SHISA6: variants seen among roughly 807,000 people sequenced by gnomAD.
SHISA6 encodes the protein protein shisa-6.
In SHISA6, 22 loss-of-function variants were observed where a neutral mutation model predicts 47.9. The ratio of observed to expected loss-of-function variants is 0.46; its 90% CI spans 0.33 to 0.66. The LOEUF is 0.66. Among genes scored for constraint, SHISA6 ranks in the 30% least tolerant of loss-of-function variants. The pLI is 0.02. For synonymous variants in SHISA6, 388 were observed against 337.8 expected (o/e 1.15, Z -1.63); for missense variants, 680 against 764.6 (o/e 0.89, Z 1.30).
At chr17:11,428,974 C>T (rs558527151) in intron 3 of SHISA6, among the ~76,000 whole-genome samples, 1 of 151,842 alleles carries the variant, frequency 6.6e-6, no homozygotes, top group Non-Finnish European at 1.5e-5. Context: ...TTAGTAGAAA[C>T]GGTGTTTCAC....
chr17:11,337,421 A>C (rs891112546), intron 2 of SHISA6, among the ~76,000 whole-genome samples: 2 of 152,158 alleles, frequency 1.3e-5, no homozygotes, highest in Non-Finnish European at 2.9e-5. Context: ...TTGCACCTGC[A>C]CGAGGCTGGG....
chr17:11,360,775 T>C (rs1780661296), intron 2 of SHISA6, among the ~76,000 whole-genome samples: 1 of 149,916 alleles, frequency 6.7e-6, no homozygotes. Context: ...TCTGCCCATG[T>C]ATCCTAGAAC....
chr17:11,250,491 G>T (rs1352243364), intron 1 of SHISA6, among the ~76,000 whole-genome samples: 4 of 152,256 alleles, frequency 2.6e-5, no homozygotes, highest in Non-Finnish European at 4.4e-5. Flanking sequence ...TGGAGCGAGG[G>T]TGGGGCAGGC....
intron 3 of SHISA6, among the ~76,000 whole-genome samples, chr17:11,548,377 T>C (rs1468182999): frequency 6.6e-6 from 1 of 152,124 alleles, no homozygotes; most frequent in East Asian, 1.9e-4. Flanking sequence ...CAAAATTATC[T>C]TAATACAAAA....
chr17:11,488,302 T>C (rs970252349), intron 3 of SHISA6, among the ~76,000 whole-genome samples: 2 of 152,124 alleles, frequency 1.3e-5, no homozygotes, highest in Admixed American at 1.3e-4. Flanking sequence ...GAGGGTCCTT[T>C]AACACCATAT....
Position 11,241,501 on chromosome 17 carries a change from C to G in SHISA6, c.79C>G (p.Arg27Gly), listed in dbSNP as rs1381812004. The change falls in exon 1 of 6, where the codon CGC becomes GGC. Residue 27 changes from arginine (R) to glycine (G), a missense_variant. This residue lies in a region of SHISA6 where 121 missense variants were observed against 90.5 expected (regional missense o/e 1.34). Coordinates refer to ENST00000441885, the MANE Select transcript of SHISA6 (RefSeq NM_207386.4). This position sits in a 1 kb window ranked among gnomAD's most constrained non-coding sequence, Gnocchi z 5.5. ...CCTGCTGCCCAGCGTCCACGGAGCC[C>G]GCGGCCGCGCCGCCAACCGGACCCT... ...LDLLPSVHGA[R>G]GRAANRTLSA... 1 of 1,158,976 alleles carries G rather than the reference C, an allele frequency of 8.6e-7. No individual in the cohort carries two copies. The highest frequency in any genetic ancestry group is 4.1e-5 in the Admixed American group (1 of 24,466). 71.8% of individuals were successfully genotyped at this position (1,158,976 alleles called of 1,614,324 possible).
intron 3 of SHISA6, among the ~76,000 whole-genome samples, chr17:11,544,777 G>T (rs776371522): frequency 6.6e-6 from 1 of 151,888 alleles, no homozygotes; most frequent in African/African-American, 2.4e-5. Context: ...TGGCTAACAG[G>T]GTGAAACCCC....
intron 2 of SHISA6, among the ~76,000 whole-genome samples, chr17:11,277,592 G>C (rs540199275): frequency 6.6e-6 from 1 of 152,230 alleles, no homozygotes; most frequent in Non-Finnish European, 1.5e-5. Context: ...AGAGTGCAAC[G>C]ATTATAATTA....
chr17:11,255,570 G>A (rs945799075), intron 1 of SHISA6, among the ~76,000 whole-genome samples: 3 of 152,142 alleles, frequency 2.0e-5, no homozygotes, highest in South Asian at 2.1e-4. Context: ...GTGACCTGAC[G>A]GGAAGGAACA....
chr17:11,310,113 A>G (rs1318463687), intron 2 of SHISA6, among the ~76,000 whole-genome samples: 1 of 152,152 alleles, frequency 6.6e-6, no homozygotes, highest in East Asian at 1.9e-4. Context: ...CAGTTATACC[A>G]CAGAAGATGG....
intron 2 of SHISA6, among the ~76,000 whole-genome samples, chr17:11,328,670 G>A (rs1910996292): frequency 6.6e-6 from 1 of 152,188 alleles, no homozygotes. Flanking sequence ...TAACAAAACA[G>A]TGTTTCTCTT....
At chr17:11,452,671 CTT>C (rs1403039647) in intron 3 of SHISA6, among the ~76,000 whole-genome samples, 1 of 18,838 alleles carries the variant, frequency 5.3e-5, no homozygotes, top group Admixed American at 5.0e-4. Flanking sequence ...TCCTCCCCTC[CTT>C]CTCCTCTTCC....
chr17:11,455,699 T>G (rs1046303565), intron 3 of SHISA6, among the ~76,000 whole-genome samples: 1 of 152,060 alleles, frequency 6.6e-6, no homozygotes, highest in African/African-American at 2.4e-5. Context: ...ACCCCCAATT[T>G]GCACAGAAAC....
chr17:11,451,360 T>C (rs1915397174), intron 3 of SHISA6, among the ~76,000 whole-genome samples: 1 of 152,222 alleles, frequency 6.6e-6, no homozygotes, highest in Admixed American at 6.5e-5. Flanking sequence ...ATAAGAAATG[T>C]ACATTCATTC....
At chr17:11,394,203 T>C (rs1913488820) in intron 3 of SHISA6, among the ~76,000 whole-genome samples, 2 of 152,192 alleles carry the variant, frequency 1.3e-5, no homozygotes, top group Admixed American at 1.3e-4. Context: ...CACTACAGAA[T>C]GAGTGGATGG....
chr17:11,241,360 C>A lies in SHISA6; in HGVS notation c.-63C>A. 1 of 994,698 alleles carries A rather than the reference C, an allele frequency of 1.0e-6. No individual in the cohort carries two copies. Among genetic ancestry groups the A allele is most frequent in the Non-Finnish European group, 1.2e-6 (1 of 833,876 alleles). 61.6% of individuals were successfully genotyped at this position (994,698 alleles called of 1,614,324 possible). On this transcript the variant is annotated 5_prime_UTR_variant, in exon 1 of 6. Transcript: ENST00000441885. This position sits in a 1 kb window ranked among gnomAD's most constrained non-coding sequence, Gnocchi z 5.5. The stretch of plus-strand genomic sequence containing the variant: ...GGCCCGCGCGGCGGGTCCTCCGAGC[C>A]CGGCCCGCCGGGGGAGCGGCCTGCC...
At chr17:11,355,328 G>T (rs1316384329) in intron 2 of SHISA6, among the ~76,000 whole-genome samples, 1 of 152,234 alleles carries the variant, frequency 6.6e-6, no homozygotes, top group Non-Finnish European at 1.5e-5. Context: ...ACTTCCTTGA[G>T]AATCCTCCCT....
At chr17:11,275,911 A>T (rs1908871727) in intron 2 of SHISA6, among the ~76,000 whole-genome samples, 2 of 151,894 alleles carry the variant, frequency 1.3e-5, no homozygotes, top group African/African-American at 4.8e-5. Context: ...GCGAGTAGAG[A>T]TATGATCTGA....
At chr17:11,405,468 C>T (rs1913919738) in intron 3 of SHISA6, among the ~76,000 whole-genome samples, 1 of 152,102 alleles carries the variant, frequency 6.6e-6, no homozygotes, top group Non-Finnish European at 1.5e-5. Flanking sequence ...GGGGCTGGGA[C>T]TCAGACATCA....
Sources: allele counts gnomAD v4.1 joint callset (sites outside exome capture counted in the v4.1 genomes callset), GRCh38; gene constraint gnomAD v4.1.1; regional missense constraint gnomAD v4.1.1; non-coding constraint Gnocchi (gnomAD v3.1); transcripts MANE v1.5; gene names NCBI Gene and HGNC (gene_info 2026-07-23, HGNC 2026-07-21).